ZFHX3: variants seen among roughly 807,000 people sequenced by gnomAD.
ZFHX3 encodes zinc finger homeobox 3.
Under a neutral mutation model 279.1 loss-of-function variants are expected in ZFHX3, and 42 were observed. The observed-to-expected ratio is 0.15, with a 90% CI of 0.12 to 0.19. The LOEUF is 0.19. Ranked by LOEUF, ZFHX3 falls within the 10% of genes least tolerant of loss-of-function variation. The pLI, the probability that ZFHX3 is intolerant of heterozygous loss-of-function variation, is 1.00. For synonymous variants in ZFHX3, 2,293 were observed against 1,957.8 expected (o/e 1.17, Z -4.52); for missense variants, 4,981 against 4,754.0 (o/e 1.05, Z -1.40).
At chr16:73,750,715 C>T (rs951309448) in intron 1 of ZFHX3, among the ~76,000 whole-genome samples, 11 of 152,168 alleles carry the variant, frequency 7.2e-5, no homozygotes, top group African/African-American at 2.4e-4. Context: ...TTCAGCCACA[C>T]ACACAGGGGC....
intron 4 of ZFHX3, among the ~76,000 whole-genome samples, chr16:72,841,187 G>C (rs369531370): frequency 6.6e-6 from 1 of 152,160 alleles, no homozygotes; most frequent in Non-Finnish European, 1.5e-5. Context: ...ACATTTCAAG[G>C]TGCGTCTACA....
chr16:73,754,473 C>A (rs1289654138), intron 1 of ZFHX3, among the ~76,000 whole-genome samples: 1 of 152,150 alleles, frequency 6.6e-6, no homozygotes, highest in Non-Finnish European at 1.5e-5. Context: ...CCCCGAGAAT[C>A]ATGGCATACA....
At chr16:73,221,247 C>T (rs773224232) in intron 5 of ZFHX3, among the ~76,000 whole-genome samples, 10 of 152,016 alleles carry the variant, frequency 6.6e-5, no homozygotes, top group Middle Eastern at 6.8e-3. Flanking sequence ...GTGTGCCCAT[C>T]GTATAAAATT....
chr16:72,974,804 G>A (rs533764940), intron 1 of ZFHX3, among the ~76,000 whole-genome samples: 6 of 152,324 alleles, frequency 3.9e-5, no homozygotes, highest in South Asian at 4.2e-4. Context: ...CCCATGCCTT[G>A]ACTGGGCACC....
chr16:72,909,156 T>A (rs12931840), intron 3 of ZFHX3, among the ~76,000 whole-genome samples: 1 of 152,154 alleles, frequency 6.6e-6, no homozygotes, highest in Non-Finnish European at 1.5e-5. Flanking sequence ...GGGAGAATAA[T>A]GTCTTAGTCC....
chr16:73,188,341 T>C (rs1319132284), intron 5 of ZFHX3, among the ~76,000 whole-genome samples: 1 of 152,182 alleles, frequency 6.6e-6, no homozygotes, highest in Non-Finnish European at 1.5e-5. Context: ...ATTACAGGCA[T>C]GAGTCACCAG....
At chr16:73,838,141 C>T (rs1195438081) in intron 1 of ZFHX3, among the ~76,000 whole-genome samples, 5 of 152,174 alleles carry the variant, frequency 3.3e-5, no homozygotes, top group African/African-American at 1.2e-4. Flanking sequence ...CAGGTTTTGA[C>T]TGAATTTGGT....
intron 8 of ZFHX3, among the ~76,000 whole-genome samples, chr16:73,086,167 A>G (rs1461922628): frequency 6.6e-6 from 1 of 152,226 alleles, no homozygotes; most frequent in African/African-American, 2.4e-5. Context: ...ACAACGAGAT[A>G]TCTTACCCCA....
At chr16:72,904,041 T>C (rs1418882257) in intron 3 of ZFHX3, among the ~76,000 whole-genome samples, 1 of 152,196 alleles carries the variant, frequency 6.6e-6, no homozygotes, top group Non-Finnish European at 1.5e-5. Flanking sequence ...CGAATATTTC[T>C]ATCCTCAGTT....
At chr16:73,089,344 T>C (rs1206706444) in intron 8 of ZFHX3, among the ~76,000 whole-genome samples, 1 of 152,150 alleles carries the variant, frequency 6.6e-6, no homozygotes, top group East Asian at 1.9e-4. Flanking sequence ...CCTCAGGTGA[T>C]CCACGTAAAG....
intron 4 of ZFHX3, among the ~76,000 whole-genome samples, chr16:72,842,077 A>G (rs1356753615): frequency 6.6e-6 from 1 of 152,248 alleles, no homozygotes; most frequent in Admixed American, 6.5e-5. Context: ...ATTACATTTT[A>G]AAGAAATAAT....
chr16:73,412,133 C>A (rs899663090), intron 3 of ZFHX3, among the ~76,000 whole-genome samples: 5 of 151,926 alleles, frequency 3.3e-5, no homozygotes, highest in Admixed American at 1.3e-4. Context: ...TGAGACCAGC[C>A]TGGGTAACAA....
intron 2 of ZFHX3, among the ~76,000 whole-genome samples, chr16:73,606,040 C>T (rs1410056988): frequency 2.0e-5 from 3 of 151,084 alleles, no homozygotes; most frequent in East Asian, 3.9e-4. Context: ...AAAATTACCC[C>T]GGCGTGGTGG....
At chr16:72,935,935 G>T (rs2144320784) in intron 3 of ZFHX3, among the ~76,000 whole-genome samples, 1 of 152,292 alleles carries the variant, frequency 6.6e-6, no homozygotes, top group East Asian at 1.9e-4. Flanking sequence ...AAGGAACAAG[G>T]CATTTTGATG....
intron 2 of ZFHX3, among the ~76,000 whole-genome samples, chr16:73,624,568 AT>A (rs1438275169): frequency 8.6e-5 from 13 of 152,038 alleles, no homozygotes; most frequent in Non-Finnish European, 1.8e-4. Flanking sequence ...AAATTATAGA[AT>A]GTCCATCATT....
chr16:73,565,852 G>C (rs1209236616), intron 2 of ZFHX3, among the ~76,000 whole-genome samples: 1 of 152,202 alleles, frequency 6.6e-6, no homozygotes, highest in African/African-American at 2.4e-5. Flanking sequence ...CGTGTTGCTA[G>C]TCAGGGGACC....
intron 4 of ZFHX3, among the ~76,000 whole-genome samples, chr16:72,848,099 C>A (rs2037524088): frequency 6.6e-6 from 1 of 152,172 alleles, no homozygotes; most frequent in African/African-American, 2.4e-5. Context: ...GGTCGCCAGC[C>A]CCTTGCCTCA....
intron 2 of ZFHX3, among the ~76,000 whole-genome samples, chr16:73,618,627 T>G (rs2052328344): frequency 6.6e-6 from 1 of 152,200 alleles, no homozygotes; most frequent in Admixed American, 6.5e-5. Context: ...CACAGACAGA[T>G]GGCTGCAACT....
At chr16:73,018,598 AAAAAT>A (rs537927425) in intron 1 of ZFHX3, among the ~76,000 whole-genome samples, 4 of 152,104 alleles carry the variant, frequency 2.6e-5, no homozygotes, top group African/African-American at 7.2e-5. Flanking sequence ...ACTCCATCTC[AAAAAT>A]AAAATAAAAT....
Sources: allele counts gnomAD v4.1 joint callset (sites outside exome capture counted in the v4.1 genomes callset), GRCh38; gene constraint gnomAD v4.1.1; transcripts MANE v1.5; gene names NCBI Gene and HGNC (gene_info 2026-07-23, HGNC 2026-07-21).